FGF14: variants seen among roughly 807,000 people sequenced by gnomAD.
FGF14 encodes the protein fibroblast growth factor homologous factor 4.
FGF14 carries 5 observed loss-of-function variants against 25.5 expected under a neutral mutation model. The observed-to-expected ratio is 0.20, with a 90% CI of 0.10 to 0.41. The LOEUF (loss-of-function observed/expected upper bound fraction) is 0.41, where lower values mean the gene tolerates loss of function less well. Among genes scored for constraint, FGF14 ranks in the 10% least tolerant of loss-of-function variants. The pLI is 1.00. For missense variants in FGF14, 222 were observed against 320.1 expected (o/e 0.69, Z 2.34); for synonymous variants, 138 against 118.3 (o/e 1.17, Z -1.08).
intron 1 of FGF14, among the ~76,000 whole-genome samples, chr13:101,908,672 C>A (rs530833316): frequency 2.0e-5 from 3 of 152,180 alleles, no homozygotes; most frequent in South Asian, 2.1e-4. Flanking sequence ...TGCCCAAGGT[C>A]ATTTATAGAT....
intron 1 of FGF14, among the ~76,000 whole-genome samples, chr13:102,193,703 T>C (rs2140838629): frequency 6.6e-6 from 1 of 152,286 alleles, no homozygotes; most frequent in Non-Finnish European, 1.5e-5. Flanking sequence ...TGAGAAACTA[T>C]AGAGTTCTTA....
At chr13:102,129,172 C>T (rs148442354) in intron 1 of FGF14, among the ~76,000 whole-genome samples, 2,105 of 152,204 alleles carry the variant, frequency 0.014, 51 homozygotes, top group African/African-American at 0.048. Context: ...ATCACTTGAA[C>T]TCGGGAAGCA....
chr13:102,084,773 T>C (rs368989361), intron 1 of FGF14, among the ~76,000 whole-genome samples: 2 of 152,210 alleles, frequency 1.3e-5, no homozygotes, highest in Non-Finnish European at 2.9e-5. Flanking sequence ...AATGCACTGA[T>C]GGAGCAGAGC....
At chr13:102,225,145 A>G (rs867704515) in intron 1 of FGF14, among the ~76,000 whole-genome samples, 6 of 151,966 alleles carry the variant, frequency 3.9e-5, no homozygotes, top group African/African-American at 1.5e-4. Flanking sequence ...TTTGTCCCCC[A>G]GGCCTTCAGA....
intron 3 of FGF14, among the ~76,000 whole-genome samples, chr13:101,797,932 GACA>G (rs1482711870): frequency 1.3e-5 from 2 of 151,986 alleles, no homozygotes; most frequent in Non-Finnish European, 2.9e-5. Context: ...AAGACATAAA[GACA>G]ACAACAAAGA....
chr13:101,891,142 C>T (rs1194012512), intron 1 of FGF14, among the ~76,000 whole-genome samples: 1 of 152,170 alleles, frequency 6.6e-6, no homozygotes, highest in Non-Finnish European at 1.5e-5. Context: ...TTTTGTGAAA[C>T]TGGCAACCAT....
chr13:101,715,523 T>C lies in FGF14; in HGVS notation c.*7308A>G. 3 of 1,408,670 alleles carry C rather than the reference T, an allele frequency of 2.1e-6. No homozygotes were observed. Among genetic ancestry groups the C allele is most frequent in the Non-Finnish European group, 3.0e-6 (3 of 993,256 alleles). The allele number at this position is 1,408,670 out of a possible 1,614,324, so 87.3% of individuals were successfully genotyped here. On this transcript the variant is annotated 3_prime_UTR_variant, in exon 5 of 5. Coordinates refer to ENST00000376143, the MANE Select transcript of FGF14 (RefSeq NM_004115.4). ...AATAGCATGTTTAAATTTGGCACAT[T>C]TTGATCATAATCATGATACCTATAT...
At chr13:101,868,919 C>G (rs556354477) in intron 2 of FGF14, 91 bp from the exon 3 acceptor site, 1 of 846,526 alleles carries the variant, frequency 1.2e-6, no homozygotes, top group East Asian at 2.6e-5. Context: ...ATTTAAGAAA[C>G]ATCATCTTTG....
chr13:102,399,250 C>T (rs1279671154), intron 1 of FGF14, among the ~76,000 whole-genome samples: 2 of 152,128 alleles, frequency 1.3e-5, no homozygotes, highest in African/African-American at 2.4e-5. Flanking sequence ...TAAAGGCCTA[C>T]AAAGAAACTT....
intron 1 of FGF14, among the ~76,000 whole-genome samples, chr13:102,385,093 A>G (rs2058270947): frequency 6.6e-6 from 1 of 152,218 alleles, no homozygotes; most frequent in Non-Finnish European, 1.5e-5. Flanking sequence ...AAACTCCTGC[A>G]ATGACCATAT....
At chr13:102,143,962 T>C (rs2046750792) in intron 1 of FGF14, among the ~76,000 whole-genome samples, 1 of 152,134 alleles carries the variant, frequency 6.6e-6, no homozygotes, top group Non-Finnish European at 1.5e-5. Flanking sequence ...GTGGTCCAGA[T>C]TATCATGAGA....
intron 1 of FGF14, among the ~76,000 whole-genome samples, chr13:102,214,954 G>A (rs1476708565): frequency 1.3e-5 from 2 of 152,168 alleles, no homozygotes; most frequent in Admixed American, 6.5e-5. Context: ...TCAGCCTGAA[G>A]AGTTCCCATA....
chr13:102,349,116 G>C (rs146903422), intron 1 of FGF14, among the ~76,000 whole-genome samples: 2 of 151,992 alleles, frequency 1.3e-5, no homozygotes, highest in Non-Finnish European at 2.9e-5. Flanking sequence ...CTAAACATTC[G>C]GCAATTCACA....
chr13:102,353,070 G>T (rs2057333170), intron 1 of FGF14, among the ~76,000 whole-genome samples: 1 of 152,056 alleles, frequency 6.6e-6, no homozygotes, highest in African/African-American at 2.4e-5. Context: ...ATAATAATTG[G>T]AGTCCAGTGT....
At chr13:102,017,514 C>A (rs1283599045) in intron 1 of FGF14, among the ~76,000 whole-genome samples, 1 of 152,092 alleles carries the variant, frequency 6.6e-6, no homozygotes, top group Admixed American at 6.6e-5. Context: ...TAGATTATTT[C>A]TCTTCTCTCT....
At chr13:102,169,236 G>A (rs906816488) in intron 1 of FGF14, among the ~76,000 whole-genome samples, 2 of 151,604 alleles carry the variant, frequency 1.3e-5, no homozygotes, top group Non-Finnish European at 2.9e-5. Context: ...GGCCTTACTT[G>A]TGCTTCCCCA....
intron 1 of FGF14, among the ~76,000 whole-genome samples, chr13:101,978,418 C>A (rs1012368923): frequency 8.5e-5 from 13 of 152,128 alleles, no homozygotes; most frequent in Non-Finnish European, 1.8e-4. Flanking sequence ...ATCATAACTG[C>A]ATGGAGCCAG....
At chr13:101,985,504 G>A (rs1438280787) in intron 1 of FGF14, among the ~76,000 whole-genome samples, 1 of 152,028 alleles carries the variant, frequency 6.6e-6, no homozygotes, top group African/African-American at 2.4e-5. Context: ...ATCTTGCTGT[G>A]TTTCACTGAA....
At chr13:102,326,715 G>GAAGGAAGA in intron 1 of FGF14, among the ~76,000 whole-genome samples, 1 of 89,308 alleles carries the variant, frequency 1.1e-5, no homozygotes, top group Non-Finnish European at 2.3e-5. Flanking sequence ...AGGAAGGAAG[G>GAAGGAAGA]AAGGAAGGAA....
Sources: allele counts gnomAD v4.1 joint callset (sites outside exome capture counted in the v4.1 genomes callset), GRCh38; gene constraint gnomAD v4.1.1; transcripts MANE v1.5; gene names NCBI Gene and HGNC (gene_info 2026-07-23, HGNC 2026-07-21).